SKAP1: variants seen among roughly 807,000 people sequenced by gnomAD.
SKAP1 encodes src kinase associated phosphoprotein 1.
Under a neutral mutation model 58.5 loss-of-function variants are expected in SKAP1, and 44 were observed. The observed-to-expected ratio is 0.75, with a 90% confidence interval of 0.59 to 0.97. The LOEUF is 0.97. Ranked by LOEUF, SKAP1 falls within the 50% of genes least tolerant of loss-of-function variation. The probability of loss-of-function intolerance (pLI) is 0.00; values close to 1 mark genes in which losing one functional copy is unlikely to be tolerated. For missense variants in SKAP1, 390 were observed against 435.2 expected, an observed-to-expected ratio of 0.90 and a Z score of 0.92; for synonymous variants, 127 against 149.7, an observed-to-expected ratio of 0.85 and a Z score of 1.11.
At position 48,430,085 on chromosome 17, in the gene SKAP1, C is replaced by T; in HGVS notation, c.36G>A (p.Trp12Ter). 2 of 1,266,694 alleles carry T rather than the reference C, an allele frequency of 1.6e-6. No individual in the cohort carries two copies. The highest frequency in any genetic ancestry group is 3.6e-5 in the South Asian group (1 of 27,700). The allele number at this position is 1,266,694 out of a possible 1,614,324, so 78.5% of individuals were successfully genotyped here. Residue 12 changes from tryptophan (W) to a stop codon, truncating the protein, a stop_gained, in exon 1 of 13, where the codon TGG (tryptophan) becomes TGA (stop). Coordinates refer to ENST00000336915, the MANE Select transcript of SKAP1 (RefSeq NM_003726.4). LOFTEE classifies it high-confidence loss of function. ...GCGCCAGGGCGTTACCTTCCAGGAG[C>T]CAACGGATCTCCTCAGGGAGGGCGG... ...QAAALPEEIR[W>*]LLEDAEEFLA...
intron 4 of SKAP1, among the ~76,000 whole-genome samples, chr17:48,211,279 T>A (rs1567822602): frequency 1.3e-5 from 2 of 152,008 alleles, no homozygotes; most frequent in Admixed American, 1.3e-4. Flanking sequence ...CCACCTCTAT[T>A]AAAAAAAATT....
At chr17:48,366,113 T>C (rs1198385659) in intron 2 of SKAP1, among the ~76,000 whole-genome samples, 2 of 152,200 alleles carry the variant, frequency 1.3e-5, no homozygotes, top group Non-Finnish European at 1.5e-5. Context: ...TTCTAGTACA[T>C]ACATTACTAA....
intron 4 of SKAP1, among the ~76,000 whole-genome samples, chr17:48,343,674 A>G (rs2066686247): frequency 6.6e-6 from 1 of 152,212 alleles, no homozygotes; most frequent in Non-Finnish European, 1.5e-5. Context: ...CTCTTTCAAC[A>G]CAAATGTTTT....
chr17:48,398,383 T>C (rs1030718769), intron 1 of SKAP1, among the ~76,000 whole-genome samples: 2 of 152,050 alleles, frequency 1.3e-5, no homozygotes, highest in Non-Finnish European at 2.9e-5. Flanking sequence ...GATGGGACCA[T>C]CTAGTTGCAG....
At chr17:48,296,343 C>G (rs1015509481) in intron 4 of SKAP1, among the ~76,000 whole-genome samples, 5 of 152,030 alleles carry the variant, frequency 3.3e-5, no homozygotes, top group Non-Finnish European at 7.4e-5. Flanking sequence ...TTGTTTCTCA[C>G]TATTGGAAAA....
intron 2 of SKAP1, among the ~76,000 whole-genome samples, chr17:48,366,486 C>T (rs953974711): frequency 9.2e-5 from 13 of 141,472 alleles, no homozygotes; most frequent in Admixed American, 1.5e-4. Context: ...GGGCAGAGGA[C>T]GGGGTGGGAA....
chr17:48,264,732 A>C (rs2065522247), intron 4 of SKAP1, among the ~76,000 whole-genome samples: 1 of 145,322 alleles, frequency 6.9e-6, no homozygotes, highest in African/African-American at 2.6e-5. Flanking sequence ...CTTACATTTA[A>C]TCAAATCTAC....
chr17:48,270,071 A>C (rs987245617), intron 4 of SKAP1, among the ~76,000 whole-genome samples: 1 of 152,168 alleles, frequency 6.6e-6, no homozygotes. Context: ...AGATGGCACC[A>C]CTGCACTCCA....
intron 1 of SKAP1, among the ~76,000 whole-genome samples, chr17:48,421,983 C>A (rs1415873801): frequency 6.6e-6 from 1 of 152,056 alleles, no homozygotes; most frequent in Non-Finnish European, 1.5e-5. Context: ...GAGGCTGAGG[C>A]GGGCAGATCA....
intron 11 of SKAP1, among the ~76,000 whole-genome samples, chr17:48,152,715 A>G (rs891981139): frequency 2.0e-5 from 3 of 152,230 alleles, no homozygotes; most frequent in Non-Finnish European, 4.4e-5. Flanking sequence ...GTGGTAAAAA[A>G]TTACTCAGTG....
At chr17:48,433,809 C>G (rs1326090259), upstream of SKAP1, among the ~76,000 whole-genome samples, 1 of 152,156 alleles carries the variant, frequency 6.6e-6, no homozygotes, top group Non-Finnish European at 1.5e-5. Context: ...AAATAGGGCC[C>G]ATATTGGCCT....
chr17:48,442,580 A>C, the SKAP1 span, among the ~76,000 whole-genome samples: 1 of 152,060 alleles, frequency 6.6e-6, no homozygotes, highest in Admixed American at 6.5e-5. Context: ...TGGCCAAGTC[A>C]CCTTCTCCTT....
At chr17:48,253,174 G>T (rs1400441933) in intron 4 of SKAP1, among the ~76,000 whole-genome samples, 2 of 152,158 alleles carry the variant, frequency 1.3e-5, no homozygotes, top group African/African-American at 4.8e-5. Flanking sequence ...GATTTGCAAG[G>T]TGGGAGTATA....
chr17:48,437,495 C>A, the SKAP1 span, among the ~76,000 whole-genome samples: 1 of 152,264 alleles, frequency 6.6e-6, no homozygotes, highest in South Asian at 2.1e-4. Flanking sequence ...GTAATCCCAA[C>A]ACTTTGGGAG....
At chr17:48,210,055 A>G (rs548960273) in intron 4 of SKAP1, among the ~76,000 whole-genome samples, 2 of 152,324 alleles carry the variant, frequency 1.3e-5, no homozygotes, top group Admixed American at 1.3e-4. Context: ...ATCAGAAATC[A>G]CTGGGAGGAG....
intron 4 of SKAP1, among the ~76,000 whole-genome samples, chr17:48,284,259 A>C (rs923605670): frequency 2.0e-5 from 3 of 152,254 alleles, no homozygotes; most frequent in African/African-American, 7.2e-5. Context: ...TAGAACCAAT[A>C]AAGATAAGAA....
intron 2 of SKAP1, among the ~76,000 whole-genome samples, chr17:48,376,785 G>T (rs1355913498): frequency 6.6e-6 from 1 of 152,194 alleles, no homozygotes; most frequent in Non-Finnish European, 1.5e-5. Context: ...TAATCAAATT[G>T]TGTAGAAGTG....
intron 4 of SKAP1, among the ~76,000 whole-genome samples, chr17:48,199,685 C>T (rs1460941685): frequency 6.6e-6 from 1 of 151,960 alleles, no homozygotes; most frequent in Non-Finnish European, 1.5e-5. Flanking sequence ...TTCCATAAGA[C>T]CTTAGTAACA....
In SKAP1 at chr17:48,367,220, A is replaced by G. The variant is rs374239043; in HGVS notation, c.153-3406T>C. Among the ~76,000 whole-genome samples the G allele has an allele frequency of 2.4e-4, 37 of 152,292 alleles. 1 individual carries two copies. The East Asian group carries it at 2.7e-3, about 11-fold the overall frequency. Reference sequence around the variant, plus strand: ...AGTTATACCTTAAGAACTCAGCAGTATCAAATAAAGTAGTAGGTCCATCTA... The same window carrying G: ...AGTTATACCTTAAGAACTCAGCAGTGTCAAATAAAGTAGTAGGTCCATCTA... On this transcript the variant is annotated intron_variant, in intron 2 of 12. Coordinates refer to ENST00000336915, the MANE Select transcript of SKAP1 (RefSeq NM_003726.4).
Sources: gnomAD v4.1 joint callset for allele counts (sites outside exome capture counted in the v4.1 genomes callset) on GRCh38, gnomAD v4.1.1 for gene constraint, MANE v1.5 for transcripts, NCBI Gene and HGNC (gene_info 2026-07-23, HGNC 2026-07-21) for gene names.